The following MTX2 variants were observed in gnomAD, a reference collection of about 807,000 sequenced individuals.
MTX2 encodes metaxin-2.
Under a neutral mutation model 42.3 loss-of-function variants are expected in MTX2, and 35 were observed. That is an observed-to-expected ratio of 0.83 (90% CI 0.63 to 1.10). The LOEUF is 1.10. MTX2 is among the 50% of genes least tolerant of loss of function. The pLI is 0.00. For missense variants in MTX2, 307 were observed against 304.1 expected, an observed-to-expected ratio of 1.01 and a Z score of -0.07; for synonymous variants, 119 against 100.9, an observed-to-expected ratio of 1.18 and a Z score of -1.08.
chr2:176,311,832 A>G (rs1167630881), intron 3 of MTX2, among the ~76,000 whole-genome samples: 1 of 152,188 alleles, frequency 6.6e-6, no homozygotes, highest in Non-Finnish European at 1.5e-5. Flanking sequence ...TAAGAAAGGG[A>G]TATCCCCTGA....
chr2:176,270,976 GA>G lies in MTX2; in HGVS notation c.40+1317del, dbSNP rs960547992. Among the ~76,000 whole-genome samples, 999 of 148,880 alleles carry G rather than the reference GA, an allele frequency of 6.7e-3. 16 individuals carry two copies. The highest frequency in any genetic ancestry group is 0.023 in the African/African-American group (936 of 40,808). On this transcript the variant is annotated intron_variant, in intron 1 of 9. Coordinates refer to ENST00000249442, the MANE Select transcript of MTX2 (RefSeq NM_006554.5). ...ATTTAATTTAGTTTGCTACTATGTTGAAAAAAAAAACTTCACAGTGTATGTT... is the reference window on the plus strand; with the variant it reads ...ATTTAATTTAGTTTGCTACTATGTTGAAAAAAAAACTTCACAGTGTATGTT...
chr2:176,320,150 T>G (rs1684544347), intron 3 of MTX2, among the ~76,000 whole-genome samples: 3 of 152,054 alleles, frequency 2.0e-5, no homozygotes. Context: ...ATAAAAAGCA[T>G]GGGACTAAGA....
At chr2:176,334,102 G>A (rs959262100) in intron 9 of MTX2, among the ~76,000 whole-genome samples, 2 of 151,728 alleles carry the variant, frequency 1.3e-5, no homozygotes, top group Non-Finnish European at 1.5e-5. Flanking sequence ...ATATGCTCAT[G>A]CCCATATATA....
chr2:176,337,511 AC>A lies in MTX2; in HGVS notation c.640del (p.Leu214TrpfsTer14). 7 of 1,604,502 alleles carry A rather than the reference AC, an allele frequency of 4.4e-6. No individual in the cohort carries two copies. Among genetic ancestry groups the A allele is most frequent in the Non-Finnish European group, 6.0e-6 (7 of 1,175,698 alleles). ...FNKQPTELDA[L>X]VFGHLYTILT... ...CTTTTAGGCCTACTGAACTTGACGC[AC>A]TGGTATTTGGCCATCTATACACCAT... On this transcript the variant is annotated frameshift_variant, in exon 10 of 10. Transcript: ENST00000249442. LOFTEE classifies it high-confidence loss of function.
rs577440654 is a variant in MTX2, at chr2:176,337,993, C to T, written c.*329C>T. The T allele has an allele frequency of 1.6e-3, 267 of 166,312 alleles. No individual in the cohort carries two copies. Among genetic ancestry groups the T allele is most frequent in the Non-Finnish European group, 2.8e-3 (217 of 77,726 alleles). The allele number at this position is 166,312 out of a possible 1,614,324, so 10.3% of individuals were successfully genotyped here. A position where few individuals can be genotyped will look rare whatever the true frequency, so the allele number is the denominator to read the frequency against. On this transcript the variant is annotated 3_prime_UTR_variant, in exon 10 of 10. Coordinates refer to ENST00000249442, the MANE Select transcript of MTX2 (RefSeq NM_006554.5). ...TGAAAGTCATTCACTGAATTTTACA[C>T]ATGTGGAATAAACAGTGTCTTTTCT...
chr2:176,274,174 T>C (rs1692891596), intron 1 of MTX2, among the ~76,000 whole-genome samples: 1 of 152,174 alleles, frequency 6.6e-6, no homozygotes, highest in African/African-American at 2.4e-5. Context: ...ATGTTGCCAT[T>C]ATGGAAAATG....
At chr2:176,295,699 T>C (rs1260578204) in intron 1 of MTX2, among the ~76,000 whole-genome samples, 1 of 152,188 alleles carries the variant, frequency 6.6e-6, no homozygotes, top group Non-Finnish European at 1.5e-5. Context: ...CTTTTTATTC[T>C]AAAGCATAAG....
intron 3 of MTX2, 92 bp from the exon 4 acceptor site, chr2:176,323,300 A>G: frequency 9.5e-7 from 1 of 1,054,720 alleles, no homozygotes. Flanking sequence ...GTAGTATGAA[A>G]CTATTCAGTT....
At chr2:176,298,415 C>A (rs1054811906) in intron 3 of MTX2, among the ~76,000 whole-genome samples, 44 of 152,018 alleles carry the variant, frequency 2.9e-4, no homozygotes, top group Non-Finnish European at 1.0e-4. Context: ...TATCCCCAAA[C>A]CATTTATGAA....
chr2:176,320,742 T>G (rs1684566668), intron 3 of MTX2, among the ~76,000 whole-genome samples: 2 of 150,992 alleles, frequency 1.3e-5, no homozygotes, highest in Non-Finnish European at 2.9e-5. Flanking sequence ...TTGCCCAGGC[T>G]GGAGTGCAGT....
intron 3 of MTX2, among the ~76,000 whole-genome samples, chr2:176,310,881 C>CT (rs1258636386): frequency 6.6e-6 from 1 of 152,136 alleles, no homozygotes; most frequent in African/African-American, 2.4e-5. Context: ...TATTACCGAC[C>CT]TTCTGAAGCC....
chr2:176,292,476 CT>C (rs567313354), intron 1 of MTX2, among the ~76,000 whole-genome samples: 4 of 152,178 alleles, frequency 2.6e-5, no homozygotes, highest in Non-Finnish European at 5.9e-5. Flanking sequence ...TGATTACTGA[CT>C]TTGACCTTGG....
In MTX2 at chr2:176,283,716, G is replaced by T. The variant is rs77240283; in HGVS notation, c.41-13144G>T. 4.3e-4 allele frequency among the ~76,000 whole-genome samples: 66 copies of T among 152,240 alleles called. No individual in the cohort carries two copies. In the East Asian group the frequency reaches 0.011, roughly 25 times the overall value. Reference sequence around the variant, plus strand: ...ACAGTGATTGTATTTGGTTTAGATGGGAAGAACTACTTAGTTTGAAGGATA... The same window carrying T: ...ACAGTGATTGTATTTGGTTTAGATGTGAAGAACTACTTAGTTTGAAGGATA... On this transcript the variant is annotated intron_variant, in intron 1 of 9. Transcript: ENST00000249442.
At chr2:176,315,174 A>C (rs114822948) in intron 3 of MTX2, among the ~76,000 whole-genome samples, 1 of 152,278 alleles carries the variant, frequency 6.6e-6, no homozygotes, top group African/African-American at 2.4e-5. Context: ...GTTGTCTGCT[A>C]TTCATTTCTC....
At chr2:176,322,672 T>A (rs1684612768) in intron 3 of MTX2, among the ~76,000 whole-genome samples, 2 of 151,744 alleles carry the variant, frequency 1.3e-5, no homozygotes, top group Admixed American at 6.6e-5. Context: ...AGTAATAGAG[T>A]TTTGCATTTT....
chr2:176,308,468 C>T (rs1462218407), intron 3 of MTX2, among the ~76,000 whole-genome samples: 1 of 152,074 alleles, frequency 6.6e-6, no homozygotes, highest in African/African-American at 2.4e-5. Context: ...AAGCAATGGT[C>T]CCAGCTCCTC....
chr2:176,302,996 A>G (rs1005820364), intron 3 of MTX2, among the ~76,000 whole-genome samples: 2 of 152,168 alleles, frequency 1.3e-5, no homozygotes, highest in Non-Finnish European at 2.9e-5. Flanking sequence ...GTGAAAATAC[A>G]GCTGCTGTAA....
chr2:176,291,159 TAAAA>T (rs975531431), intron 1 of MTX2, among the ~76,000 whole-genome samples: 22 of 152,318 alleles, frequency 1.4e-4, no homozygotes, highest in Non-Finnish European at 2.4e-4. Context: ...AAAGTAGAGT[TAAAA>T]AAGATAAAAT....
At chr2:176,281,419 T>G (rs1425353569) in intron 1 of MTX2, among the ~76,000 whole-genome samples, 1 of 152,182 alleles carries the variant, frequency 6.6e-6, no homozygotes, top group Admixed American at 6.5e-5. Flanking sequence ...TACATGTGGC[T>G]TCTTCATGTG....
Sources: gnomAD v4.1 joint callset for allele counts (sites outside exome capture counted in the v4.1 genomes callset) on GRCh38, gnomAD v4.1.1 for gene constraint, MANE v1.5 for transcripts, NCBI Gene and HGNC (gene_info 2026-07-23, HGNC 2026-07-21) for gene names.